The following CPT1A variants were observed in gnomAD, a reference collection of about 807,000 sequenced individuals.
CPT1A encodes the protein carnitine palmitoyltransferase 1A.
CPT1A carries 64 observed loss-of-function variants against 100.8 expected under a neutral mutation model. That is an observed-to-expected ratio of 0.63 (90% confidence interval 0.52 to 0.78). The LOEUF is 0.78. Ranked by LOEUF, CPT1A falls within the 30% of genes least tolerant of loss-of-function variation. CPT1A has a pLI of 0.00. For synonymous variants in CPT1A, 363 were observed against 396.0 expected (o/e 0.92, Z 0.99); for missense variants, 802 against 1,034.1 (o/e 0.78, Z 3.08).
intron 1 of CPT1A, among the ~76,000 whole-genome samples, chr11:68,827,311 C>T (rs1033538104): frequency 1.3e-5 from 2 of 152,068 alleles, no homozygotes; most frequent in African/African-American, 2.4e-5. Context: ...CCAGCCTGGG[C>T]GACAGAACGA....
At position 68,755,310 on chromosome 11, in the gene CPT1A, C is replaced by G. The variant is rs1178285926; in HGVS notation, c.*2334G>C. 6.3e-6 allele frequency: 1 copy of G among 158,102 alleles called. No homozygotes were observed. The highest frequency in any genetic ancestry group is 6.4e-5 in the Admixed American group (1 of 15,618). The allele number at this position is 158,102 out of a possible 1,614,324, so 9.8% of individuals were successfully genotyped here. On this transcript the variant is annotated 3_prime_UTR_variant, in exon 19 of 19. Transcript: ENST00000265641. ...TGGCTCTGATAGGGACTGACGCCGG[C>G]TGCTGGCTTTTAACGGGAAGTGCTA...
At chr11:68,813,139 C>T (rs1856266131) in intron 2 of CPT1A, among the ~76,000 whole-genome samples, 2 of 151,876 alleles carry the variant, frequency 1.3e-5, no homozygotes, top group Non-Finnish European at 2.9e-5. Context: ...TTAATCAGTC[C>T]TCTTCACTCT....
In CPT1A at chr11:68,841,373, G is replaced by A. The variant is rs989419181; in HGVS notation, c.-14+402C>T. Among the ~76,000 whole-genome samples the A allele has an allele frequency of 2.6e-5, 4 of 151,642 alleles. No individual in the cohort carries two copies. The highest frequency in any genetic ancestry group is 9.7e-5 in the African/African-American group (4 of 41,284). ...CCACCCGCAGGCTGACCGACCCCTG[G>A]GCAGACCCTCAGACTCAATCCAGTC... is the stretch of plus-strand genomic sequence containing the variant. On this transcript the variant is annotated intron_variant, in intron 1 of 18. Transcript: ENST00000265641. This position sits in a 1 kb window ranked among gnomAD's most constrained non-coding sequence, Gnocchi z 6.3.
At chr11:68,776,678 A>G (rs904355967) in intron 12 of CPT1A, among the ~76,000 whole-genome samples, 1 of 152,312 alleles carries the variant, frequency 6.6e-6, no homozygotes, top group African/African-American at 2.4e-5. Flanking sequence ...CAGGAGTTCG[A>G]GACCAAGCTG....
At chr11:68,789,448 G>C (rs1054886991) in intron 9 of CPT1A, among the ~76,000 whole-genome samples, 5 of 151,894 alleles carry the variant, frequency 3.3e-5, no homozygotes, top group Non-Finnish European at 7.4e-5. Flanking sequence ...CCAGGCTGGA[G>C]TGCAGTGGTG....
intron 11 of CPT1A, 30 bp downstream of exon 11, chr11:68,781,741 C>T (rs1389304491): frequency 6.2e-7 from 1 of 1,608,924 alleles, no homozygotes; most frequent in African/African-American, 1.3e-5. Flanking sequence ...CATGGGCAAA[C>T]TCCTGTCTCT....
At chr11:68,818,771 TC>T (rs1856500904) in intron 1 of CPT1A, 1 of 152,100 alleles carries the variant, frequency 6.6e-6, no homozygotes, top group Admixed American at 6.6e-5. Flanking sequence ...GGCAGGAGGA[TC>T]CCTTGAGCTC....
chr11:68,830,629 A>C (rs1360276640), intron 1 of CPT1A, among the ~76,000 whole-genome samples: 1 of 152,148 alleles, frequency 6.6e-6, no homozygotes, highest in Non-Finnish European at 1.5e-5. Context: ...TGTTCCTACC[A>C]CCTTCCAAGC....
rs2153994399 is a variant in CPT1A at position 68,756,507 on chromosome 11, T to C, written c.*1137A>G. Reference sequence around the variant, plus strand: ...GCATACTGTCTCCATCACCCTCTGGTGAGTCTTTCCCCTCACCGGGTGGGA... The same window carrying C: ...GCATACTGTCTCCATCACCCTCTGGCGAGTCTTTCCCCTCACCGGGTGGGA... On this transcript the variant is annotated 3_prime_UTR_variant, in exon 19 of 19. Transcript: ENST00000265641. 6.6e-6 allele frequency: 1 copy of C among 152,324 alleles called. No homozygotes were observed. The highest frequency in any genetic ancestry group is 1.9e-4 in the East Asian group (1 of 5,180). The allele number at this position is 152,324 out of a possible 1,614,324, so 9.4% of individuals were successfully genotyped here.
chr11:68,810,967 G>A (rs536427595), intron 3 of CPT1A, among the ~76,000 whole-genome samples: 2 of 152,180 alleles, frequency 1.3e-5, no homozygotes, highest in Admixed American at 6.5e-5. Context: ...CCTGGGCAAC[G>A]GAGCAAAAAC....
intron 11 of CPT1A, 143 bp downstream of exon 11, chr11:68,781,628 A>C (rs767577037): frequency 3.3e-5 from 28 of 851,512 alleles, no homozygotes; most frequent in Non-Finnish European, 4.8e-5. Flanking sequence ...TCAAAAAATA[A>C]AATAAAATAA....
chr11:68,762,615 A>G lies in CPT1A; in HGVS notation c.1875+12T>C. On this transcript the variant is annotated intron_variant, in intron 15 of 18. Coordinates refer to ENST00000265641, the MANE Select transcript of CPT1A (RefSeq NM_001876.4). ...ACAAGCACGTTGTGTCCTCAGCCTG[A>G]TGGCACATTACCGTCTGGGCCGGGT... 8 of 1,613,306 alleles carry G rather than the reference A, an allele frequency of 5.0e-6. No individual in the cohort carries two copies. The highest frequency in any genetic ancestry group is 6.8e-6 in the Non-Finnish European group (8 of 1,180,004).
chr11:68,805,841 G>C (rs1038376652), intron 4 of CPT1A, among the ~76,000 whole-genome samples: 3 of 152,170 alleles, frequency 2.0e-5, no homozygotes, highest in African/African-American at 4.8e-5. Flanking sequence ...GGTTGGGCTT[G>C]AGGTGCCGAG....
chr11:68,759,950 G>A (rs1434936926), intron 17 of CPT1A, among the ~76,000 whole-genome samples: 8 of 152,048 alleles, frequency 5.3e-5, no homozygotes, highest in Admixed American at 2.0e-4. Flanking sequence ...GAGGTGGGAG[G>A]ATCACCTGAG....
intron 13 of CPT1A, among the ~76,000 whole-genome samples, chr11:68,774,566 C>T (rs926398976): frequency 5.3e-5 from 8 of 151,842 alleles, no homozygotes; most frequent in South Asian, 4.2e-4. Flanking sequence ...CCTCAGCCTC[C>T]GGAGTAGCTG....
chr11:68,780,539 C>T, intron 12 of CPT1A, 101 bp downstream of exon 12: 1 of 1,015,148 alleles, frequency 9.9e-7, no homozygotes, highest in South Asian at 1.3e-5. Flanking sequence ...CCGCCTCGGC[C>T]TCCCAAAGTG....
At chr11:68,840,945 G>A (rs1040169941) in intron 1 of CPT1A, among the ~76,000 whole-genome samples, 11 of 152,064 alleles carry the variant, frequency 7.2e-5, no homozygotes, top group African/African-American at 2.4e-4. Flanking sequence ...GCGCCCACCC[G>A]CCCTTGACCC....
chr11:68,760,111 G>A, intron 17 of CPT1A, 114 bp downstream of exon 17: 1 of 744,442 alleles, frequency 1.3e-6, no homozygotes, highest in Non-Finnish European at 2.4e-6. Context: ...TTCCTTTACG[G>A]CGGTAGAACC....
At chr11:68,814,234 TCTA>T (rs1441569044) in intron 2 of CPT1A, among the ~76,000 whole-genome samples, 1 of 152,056 alleles carries the variant, frequency 6.6e-6, no homozygotes, top group Non-Finnish European at 1.5e-5. Flanking sequence ...AGAACAAAGT[TCTA>T]CTTCTTTAGA....
Sources: gnomAD v4.1 joint callset for allele counts (sites outside exome capture counted in the v4.1 genomes callset) on GRCh38, gnomAD v4.1.1 for gene constraint, Gnocchi (gnomAD v3.1) non-coding constraint, MANE v1.5 for transcripts, NCBI Gene and HGNC (gene_info 2026-07-23, HGNC 2026-07-21) for gene names.